Variants in DENND11 observed in about 807,000 individuals in gnomAD.
DENND11 encodes DENN domain containing 11.
Under a neutral mutation model 49.2 loss-of-function variants are expected in DENND11, and 34 were observed. That is an observed-to-expected ratio of 0.69 (90% CI 0.53 to 0.92). The LOEUF (loss-of-function observed/expected upper bound fraction) is 0.92. DENND11 is among the 40% of genes least tolerant of loss of function. DENND11 has a pLI of 0.00. For missense variants in DENND11, 475 were observed against 581.6 expected (o/e 0.82, Z 1.88); for synonymous variants, 238 against 230.3 (o/e 1.03, Z -0.30).
chr7:141,690,917 G>C (rs759558560), intron 1 of DENND11, among the ~76,000 whole-genome samples: 5 of 151,926 alleles, frequency 3.3e-5, no homozygotes, highest in Non-Finnish European at 5.9e-5. Flanking sequence ...TTTTTTAAAG[G>C]AGTATCTTAA....
At position 141,666,340 on chromosome 7, in the gene DENND11, C is replaced by G; in HGVS notation, c.767G>C (p.Arg256Pro). 6.2e-7 allele frequency: 1 copy of G among 1,613,162 alleles called. No homozygotes were observed. The highest frequency in any genetic ancestry group is 8.5e-7 in the Non-Finnish European group (1 of 1,179,464). Residue 256 changes from arginine to proline, a missense_variant, in exon 5 of 9, where the codon CGA becomes CCA. Arg to Pro is a moderately radical substitution (Grantham distance 103). Transcript: ENST00000536163. The stretch of plus-strand genomic sequence containing the variant: ...GGGAGAAAATATCAAAATGCGCTTT[C>G]GAAGTAAGGCAAATTTCCAGAGGAT... ...ILILWKFALL[R>P]KRILIFSPPP...
At chr7:141,673,669 C>A (rs185605663) in intron 4 of DENND11, among the ~76,000 whole-genome samples, 8 of 152,168 alleles carry the variant, frequency 5.3e-5, no homozygotes, top group Non-Finnish European at 1.2e-4. Flanking sequence ...AGTACCAAAG[C>A]CAAAGTACTT....
chr7:141,689,164 G>A lies in DENND11; in HGVS notation c.269-2506C>T, dbSNP rs372775123. Among the ~76,000 whole-genome samples the A allele has an allele frequency of 3.4e-4, 52 of 152,276 alleles. No homozygotes were observed. In the East Asian group the frequency reaches 4.6e-3, roughly 14 times the overall value. ...ATAGAAAAGTGCAAAGATGTTTATT[G>A]CAGCACTATTCACAATAGCAAAGAC... On this transcript the variant is annotated intron_variant, in intron 1 of 8. Coordinates refer to ENST00000536163, the MANE Select transcript of DENND11 (RefSeq NM_001080392.2).
At position 141,678,149 on chromosome 7, in the gene DENND11, A is replaced by T. The variant is rs1798095059; in HGVS notation, c.528-3929T>A. Among the ~76,000 whole-genome samples, 3 of 152,128 alleles carry T rather than the reference A, an allele frequency of 2.0e-5. No homozygotes were observed. The South Asian group carries it at 6.2e-4, about 32-fold the overall frequency. ...GCTAAGTTTTTGTATTTTAGTAGAGACGGGGTTTCACCGTTGTTGCTCAGG... is the reference window on the plus strand; with the variant it reads ...GCTAAGTTTTTGTATTTTAGTAGAGTCGGGGTTTCACCGTTGTTGCTCAGG... On this transcript the variant is annotated intron_variant, in intron 3 of 8. Transcript: ENST00000536163.
At chr7:141,686,272 C>T (rs1798241281) in intron 2 of DENND11, among the ~76,000 whole-genome samples, 1 of 152,196 alleles carries the variant, frequency 6.6e-6, no homozygotes, top group Non-Finnish European at 1.5e-5. Flanking sequence ...AAACTGTGCA[C>T]TTTCATTAAA....
rs142597043 is a variant in DENND11, at chr7:141,682,620, C to T, written c.527+2858G>A. Reference sequence around the variant, plus strand: ...ACAATACAAAACCATTCTTAGGATACGGTGGAATAACAAGAGATGAATGTG... The same window carrying T: ...ACAATACAAAACCATTCTTAGGATATGGTGGAATAACAAGAGATGAATGTG... On this transcript the variant is annotated intron_variant, in intron 3 of 8. Transcript: ENST00000536163. Among the ~76,000 whole-genome samples the T allele has an allele frequency of 3.3e-3, 498 of 152,206 alleles. 6 individuals are homozygous for T. Among genetic ancestry groups the T allele is most frequent in the African/African-American group, 0.011 (463 of 41,546 alleles).
chr7:141,680,675 G>C (rs73171612), intron 3 of DENND11, among the ~76,000 whole-genome samples: 19,800 of 151,184 alleles, frequency 0.13, 1,664 homozygotes, highest in East Asian at 0.35. Flanking sequence ...GTTGAACACA[G>C]CACCTCTGCT....
At chr7:141,699,225 G>A (rs1342405667) in intron 1 of DENND11, among the ~76,000 whole-genome samples, 1 of 152,086 alleles carries the variant, frequency 6.6e-6, no homozygotes, top group Non-Finnish European at 1.5e-5. Context: ...ATCTGCCTCA[G>A]CAGTAAAGGG....
chr7:141,699,713 A>G (rs776759843), intron 1 of DENND11, among the ~76,000 whole-genome samples: 36 of 152,206 alleles, frequency 2.4e-4, no homozygotes, highest in Non-Finnish European at 4.6e-4. Flanking sequence ...ACAGTCAAGT[A>G]TTTATTGGCT....
rs547924260 is a variant in DENND11, at chr7:141,699,413, T to C, written c.268+2473A>G. Reference sequence around the variant, plus strand: ...CACTACATCTCCTACTTTTAAGATATATATAAAATAAAATTATATGGTACA... The same window carrying C: ...CACTACATCTCCTACTTTTAAGATACATATAAAATAAAATTATATGGTACA... On this transcript the variant is annotated intron_variant, in intron 1 of 8. Transcript: ENST00000536163. 7.9e-5 allele frequency among the ~76,000 whole-genome samples: 12 copies of C among 152,262 alleles called. No individual in the cohort carries two copies. The East Asian group carries it at 1.2e-3, about 15-fold the overall frequency.
chr7:141,685,029 A>AAAAT (rs1305276426), intron 3 of DENND11, among the ~76,000 whole-genome samples: 4,055 of 91,018 alleles, frequency 0.045, 197 homozygotes, highest in Non-Finnish European at 0.057. Context: ...AAAAAAAAAA[A>AAAAT]ATATATATAT....
At chr7:141,697,973 G>T (rs999231880) in intron 1 of DENND11, among the ~76,000 whole-genome samples, 1 of 152,168 alleles carries the variant, frequency 6.6e-6, no homozygotes, top group African/African-American at 2.4e-5. Context: ...ACCTCAGCAG[G>T]TGATCTGCCT....
intron 1 of DENND11, among the ~76,000 whole-genome samples, chr7:141,689,461 G>A (rs1798292243): frequency 1.3e-5 from 2 of 152,134 alleles, no homozygotes; most frequent in African/African-American, 4.8e-5. Flanking sequence ...AGCAGGGAAG[G>A]GGAAGAAAAA....
intron 1 of DENND11, among the ~76,000 whole-genome samples, chr7:141,691,953 C>T (rs1798333759): frequency 6.6e-6 from 1 of 151,994 alleles, no homozygotes. Context: ...TTTAAAAAAA[C>T]TGATGAATTA....
At chr7:141,697,499 G>A (rs998714604) in intron 1 of DENND11, among the ~76,000 whole-genome samples, 2 of 152,192 alleles carry the variant, frequency 1.3e-5, no homozygotes, top group African/African-American at 2.4e-5. Context: ...CCTGCGAGAC[G>A]TTCTGGCCGG....
At position 141,661,715 on chromosome 7, in the gene DENND11, G is replaced by C. The variant is rs755142173; in HGVS notation, c.*941C>G. The C allele has an allele frequency of 1.3e-5, 2 of 152,232 alleles. No homozygotes were observed. The highest frequency in any genetic ancestry group is 2.9e-5 in the Non-Finnish European group (2 of 68,064). The allele number at this position is 152,232 out of a possible 1,614,324, so 9.4% of individuals were successfully genotyped here. Reference sequence around the variant, plus strand: ...AGAGGTGCTGCTGCTAATGCCTCCAGAGAATTCGTGTCCAGATGAAGAGAC... The same window carrying C: ...AGAGGTGCTGCTGCTAATGCCTCCACAGAATTCGTGTCCAGATGAAGAGAC... On this transcript the variant is annotated 3_prime_UTR_variant, in exon 9 of 9. Transcript: ENST00000536163.
At chr7:141,671,606 G>T (rs535090734) in intron 4 of DENND11, among the ~76,000 whole-genome samples, 89 of 152,346 alleles carry the variant, frequency 5.8e-4, no homozygotes, top group African/African-American at 2.1e-3. Context: ...TTAATGAGCT[G>T]TCCTCAAAAG....
intron 8 of DENND11, 130 bp downstream of exon 8, chr7:141,664,042 C>T (rs12534759): frequency 0.1 from 75,787 of 731,014 alleles, 5,167 homozygotes; most frequent in East Asian, 0.3. Flanking sequence ...GTAAGGAGCC[C>T]GGCTCTAAGT....
At chr7:141,685,029 A>AAT (rs1167922771) in intron 3 of DENND11, among the ~76,000 whole-genome samples, 1,438 of 91,260 alleles carry the variant, frequency 0.016, 60 homozygotes, top group Middle Eastern at 0.04. Context: ...AAAAAAAAAA[A>AAT]ATATATATAT....
Sources: allele counts gnomAD v4.1 joint callset (sites outside exome capture counted in the v4.1 genomes callset), GRCh38; gene constraint gnomAD v4.1.1; transcripts MANE v1.5; gene names NCBI Gene and HGNC (gene_info 2026-07-23, HGNC 2026-07-21).